The following JRK variants were observed in gnomAD, a reference collection of about 807,000 sequenced individuals.
JRK encodes Jrk helix-turn-helix protein.
For synonymous variants in JRK, 303 were observed against 218.1 expected, an observed-to-expected ratio of 1.39 and a Z score of -3.43; for missense variants, 720 against 509.2, an observed-to-expected ratio of 1.41 and a Z score of -3.98.
downstream of JRK, among the ~76,000 whole-genome samples, chr8:142,655,691 G>C (rs1361524041): frequency 6.6e-6 from 1 of 152,226 alleles, no homozygotes; most frequent in Non-Finnish European, 1.5e-5. Flanking sequence ...TGACCAGCCA[G>C]GTGTCAGGAA....
At position 142,660,117 on chromosome 8, in the gene JRK, G is replaced by A. The variant is rs116638341; in HGVS notation, c.*4235C>T. On this transcript the variant is annotated 3_prime_UTR_variant, in exon 2 of 2. Coordinates refer to ENST00000612905, the MANE Select transcript of JRK (RefSeq NM_003724.4). ...GGGTCTACAAGAGCTGGGCAGGGAA[G>A]AGGACAAACAAGGTCTCACAGGTCC... 2,530 of 985,598 alleles carry A rather than the reference G, an allele frequency of 2.6e-3. 56 individuals are homozygous for A. The African/African-American group carries it at 0.038, about 15-fold the overall frequency. The allele number at this position is 985,598 out of a possible 1,614,324, so 61.1% of individuals were successfully genotyped here.
the JRK span, among the ~76,000 whole-genome samples, chr8:142,647,314 G>C: frequency 1.2e-4 from 19 of 152,124 alleles, no homozygotes; most frequent in African/African-American, 4.6e-4. Context: ...AAATGAAGGG[G>C]AGGCAGCGGA....
At chr8:142,650,735 G>A in the JRK span, among the ~76,000 whole-genome samples, 1 of 152,152 alleles carries the variant, frequency 6.6e-6, no homozygotes. Context: ...CCAGTTTCGG[G>A]CATGTCTTTA....
Position 142,658,986 on chromosome 8 carries a change from T to C in JRK, c.*5366A>G. The C allele has an allele frequency of 1.3e-6, 2 of 1,597,764 alleles. No individual in the cohort carries two copies. The highest frequency in any genetic ancestry group is 1.7e-6 in the Non-Finnish European group (2 of 1,171,778). ...TTGCTGCTTCATGGAGGAGCGTCAG[T>C]ATGTCCACACCATAGGGGTGTAGTC... On this transcript the variant is annotated 3_prime_UTR_variant, in exon 2 of 2. Coordinates refer to ENST00000612905, the MANE Select transcript of JRK (RefSeq NM_003724.4).
In JRK at chr8:142,664,139, G is replaced by A. The variant is rs1181685892; in HGVS notation, c.*213C>T. On this transcript the variant is annotated 3_prime_UTR_variant, in exon 2 of 2. Transcript: ENST00000612905. Reference sequence around the variant, plus strand: ...ACATTTCCTCACTTTCGGATGACACGGCAAGTGATAAAATAAAACCTGTAT... The same window carrying A: ...ACATTTCCTCACTTTCGGATGACACAGCAAGTGATAAAATAAAACCTGTAT... 39 of 1,330,118 alleles carry A rather than the reference G, an allele frequency of 2.9e-5. No homozygotes were observed. The highest frequency in any genetic ancestry group is 3.6e-5 in the Non-Finnish European group (38 of 1,044,082). 82.4% of individuals were successfully genotyped at this position (1,330,118 alleles called of 1,614,324 possible). A position where few individuals can be genotyped will look rare whatever the true frequency, so the allele number is the denominator to read the frequency against.
At chr8:142,645,352 T>C in the JRK span, among the ~76,000 whole-genome samples, 1 of 152,194 alleles carries the variant, frequency 6.6e-6, no homozygotes, top group African/African-American at 2.4e-5. Flanking sequence ...GTGTAACAAC[T>C]TGATTGCATA....
rs919720755 is a variant in JRK, at chr8:142,659,814, G to A, written c.*4538C>T. The stretch of plus-strand genomic sequence containing the variant: ...TGGTCATTAGGAGCAGGTAGCCCTG[G>A]GTCTCCCTCTGCCCTCAGCAACTTC... On this transcript the variant is annotated 3_prime_UTR_variant, in exon 2 of 2. Coordinates refer to ENST00000612905, the MANE Select transcript of JRK (RefSeq NM_003724.4). 1 of 985,554 alleles carries A rather than the reference G, an allele frequency of 1.0e-6. No individual in the cohort carries two copies. The highest frequency in any genetic ancestry group is 1.2e-6 in the Non-Finnish European group (1 of 830,024). 61.1% of individuals were successfully genotyped at this position (985,554 alleles called of 1,614,324 possible). A position where few individuals can be genotyped will look rare whatever the true frequency, so the allele number is the denominator to read the frequency against.
rs781947467 is a variant in JRK, at chr8:142,665,876, C to T, written c.183G>A (p.Gln61=). ...CGGAGCTGGCGAAGAACCGGAGCAG[C>T]TGCGCCTTGTGGGCCCTGATGTCGT... The part of the protein sequence containing the change: ...TLYDIRAHKA[Q]LLRFFASSDS... The change falls in exon 2 of 2, where the codon CAG becomes CAA. Residue 61 remains glutamine (Q), a synonymous_variant. Coordinates refer to ENST00000612905, the MANE Select transcript of JRK (RefSeq NM_003724.4). The T allele has an allele frequency of 5.1e-6, 4 of 782,898 alleles. No homozygotes were observed. The African/African-American group carries it at 6.8e-5, about 13-fold the overall frequency. The allele number at this position is 782,898 out of a possible 1,614,324, so 48.5% of individuals were successfully genotyped here. A position where few individuals can be genotyped will look rare whatever the true frequency, so the allele number is the denominator to read the frequency against.
chr8:142,655,953 T>C (rs1253261095), downstream of JRK, among the ~76,000 whole-genome samples: 1 of 152,240 alleles, frequency 6.6e-6, no homozygotes, highest in African/African-American at 2.4e-5. Context: ...TAATCTCCAT[T>C]TGAGGCAATA....
chr8:142,655,685 C>T (rs1311507172), downstream of JRK, among the ~76,000 whole-genome samples: 1 of 152,188 alleles, frequency 6.6e-6, no homozygotes, highest in East Asian at 1.9e-4. Flanking sequence ...CACTAGTGAC[C>T]AGCCAGGTGT....
Position 142,661,146 on chromosome 8 carries a change from G to A in JRK, c.*3206C>T, listed in dbSNP as rs1846902840. On this transcript the variant is annotated 3_prime_UTR_variant, in exon 2 of 2. Coordinates refer to ENST00000612905, the MANE Select transcript of JRK (RefSeq NM_003724.4). ...GGAAGTCACGCACAGACAGGCCCAG[G>A]GCAAGGTCTGCTCTAGACCCTCCTA... 1.4e-5 allele frequency: 14 copies of A among 985,446 alleles called. No homozygotes were observed. Among genetic ancestry groups the A allele is most frequent in the Non-Finnish European group, 1.7e-5 (14 of 829,948 alleles). The allele number at this position is 985,446 out of a possible 1,614,324, so 61.0% of individuals were successfully genotyped here. A position where few individuals can be genotyped will look rare whatever the true frequency, so the allele number is the denominator to read the frequency against.
chr8:142,645,111 C>A, the JRK span, among the ~76,000 whole-genome samples: 1 of 152,064 alleles, frequency 6.6e-6, no homozygotes, highest in Non-Finnish European at 1.5e-5. Context: ...CTCAGGAATG[C>A]AGTTTATTTT....
rs587695912 is a variant in JRK, at chr8:142,661,045, T to C, written c.*3307A>G. ...CACTTGGCCCACTGGATAAGAACAG[T>C]GGCCTGCGACGTCAGGGGCAGTCCA... On this transcript the variant is annotated 3_prime_UTR_variant, in exon 2 of 2. Transcript: ENST00000612905. 148 of 985,300 alleles carry C rather than the reference T, an allele frequency of 1.5e-4. No individual in the cohort carries two copies. The African/African-American group carries it at 2.5e-3, about 16-fold the overall frequency. 61.0% of individuals were successfully genotyped at this position (985,300 alleles called of 1,614,324 possible). A position where few individuals can be genotyped will look rare whatever the true frequency, so the allele number is the denominator to read the frequency against.
chr8:142,662,713 G>A lies in JRK; in HGVS notation c.*1639C>T. ...AGATGTGAAAGTACGAGAAACCACA[G>A]CGAGCCAAATCCTCTCCTTCATGAG... On this transcript the variant is annotated 3_prime_UTR_variant, in exon 2 of 2. Transcript: ENST00000612905. 1.0e-6 allele frequency: 1 copy of A among 985,480 alleles called. No individual in the cohort carries two copies. The highest frequency in any genetic ancestry group is 1.2e-6 in the Non-Finnish European group (1 of 829,942). 61.0% of individuals were successfully genotyped at this position (985,480 alleles called of 1,614,324 possible).
At chr8:142,656,537 T>TTAG (rs1846756103), downstream of JRK, among the ~76,000 whole-genome samples, 1 of 152,238 alleles carries the variant, frequency 6.6e-6, no homozygotes, top group African/African-American at 2.4e-5. Flanking sequence ...GTTCCTGAAG[T>TTAG]TAGTGTTTGT....
rs1847004562 is a variant in JRK, at chr8:142,664,148, T to C, written c.*204A>G. 8 of 1,327,880 alleles carry C rather than the reference T, an allele frequency of 6.0e-6. No individual in the cohort carries two copies. Among genetic ancestry groups the C allele is most frequent in the Non-Finnish European group, 7.7e-6 (8 of 1,042,212 alleles). The allele number at this position is 1,327,880 out of a possible 1,614,324, so 82.3% of individuals were successfully genotyped here. ...CACTTTCGGATGACACGGCAAGTGA[T>C]AAAATAAAACCTGTATTGACAGGAA... is the stretch of plus-strand genomic sequence containing the variant. On this transcript the variant is annotated 3_prime_UTR_variant, in exon 2 of 2. Transcript: ENST00000612905.
In JRK at chr8:142,659,603, G is replaced by A; in HGVS notation, c.*4749C>T. On this transcript the variant is annotated 3_prime_UTR_variant, in exon 2 of 2. Transcript: ENST00000612905. ...TGCCTAAGAGACCAGGACCCAGCAG[G>A]GGCCATACCCAGATTCAGAGGCTCA... The A allele has an allele frequency of 4.1e-6, 4 of 985,566 alleles. No individual in the cohort carries two copies. Among genetic ancestry groups the A allele is most frequent in the Non-Finnish European group, 4.8e-6 (4 of 830,024 alleles). 61.1% of individuals were successfully genotyped at this position (985,566 alleles called of 1,614,324 possible). A position where few individuals can be genotyped will look rare whatever the true frequency, so the allele number is the denominator to read the frequency against.
In JRK at chr8:142,665,573, C is replaced by T. The variant is rs182435493; in HGVS notation, c.486G>A (p.Ala162=). 3 of 718,526 alleles carry T rather than the reference C, an allele frequency of 4.2e-6. No individual in the cohort carries two copies. Among genetic ancestry groups the T allele is most frequent in the African/African-American group, 1.7e-5 (1 of 57,398 alleles). The allele number at this position is 718,526 out of a possible 1,614,324, so 44.5% of individuals were successfully genotyped here. The change falls in exon 2 of 2, where the codon GCG becomes GCA. Residue 162 remains alanine (A), a synonymous_variant. Transcript: ENST00000612905. Reference sequence around the variant, plus strand: ...TCCTGAAAAACGCACAGAACTGCTCCGCGGCCTGGTGGTCGGCTGACTGCT... The same window carrying T: ...TCCTGAAAAACGCACAGAACTGCTCTGCGGCCTGGTGGTCGGCTGACTGCT... ...SEKQSADHQA[A]EQFCAFFRSL...
At position 142,662,076 on chromosome 8, in the gene JRK, G is replaced by A; in HGVS notation, c.*2276C>T. The stretch of plus-strand genomic sequence containing the variant: ...ACAAGGGATTCCAGCCACAAGGGCT[G>A]CACCTAGAGTCAGGCTCCAGGCCTT... On this transcript the variant is annotated 3_prime_UTR_variant, in exon 2 of 2. Coordinates refer to ENST00000612905, the MANE Select transcript of JRK (RefSeq NM_003724.4). The A allele has an allele frequency of 1.0e-6, 1 of 985,540 alleles. No individual in the cohort carries two copies. Among genetic ancestry groups the A allele is most frequent in the Non-Finnish European group, 1.2e-6 (1 of 830,018 alleles). The allele number at this position is 985,540 out of a possible 1,614,324, so 61.0% of individuals were successfully genotyped here.
Sources: gnomAD v4.1 joint callset for allele counts (sites outside exome capture counted in the v4.1 genomes callset) on GRCh38, gnomAD v4.1.1 for gene constraint, MANE v1.5 for transcripts, NCBI Gene and HGNC (gene_info 2026-07-23, HGNC 2026-07-21) for gene names.